N4BP2L2: variants seen among roughly 807,000 people sequenced by gnomAD.
N4BP2L2 encodes NEDD4-binding protein 2-like 2.
Under a neutral mutation model 56.2 loss-of-function variants are expected in N4BP2L2, and 50 were observed. The ratio of observed to expected loss-of-function variants is 0.89; its 90% CI spans 0.71 to 1.13. N4BP2L2 has a LOEUF of 1.13. Ranked by LOEUF, N4BP2L2 falls within the 50% of genes most tolerant of loss-of-function variation. The probability of loss-of-function intolerance (pLI) is 0.00; values close to 1 mark genes in which losing one functional copy is unlikely to be tolerated. For synonymous variants in N4BP2L2, 203 were observed against 223.6 expected (o/e 0.91, Z 0.82); for missense variants, 689 against 693.8 (o/e 0.99, Z 0.08).
chr13:32,484,159 C>CA (rs141270018), intron 6 of N4BP2L2, among the ~76,000 whole-genome samples: 47,687 of 151,254 alleles, frequency 0.32, 8,199 homozygotes, highest in East Asian at 0.46. Flanking sequence ...CCCATCTCTA[C>CA]AAAAAATACA....
intron 2 of N4BP2L2, among the ~76,000 whole-genome samples, chr13:32,528,593 G>A (rs929087845): frequency 6.6e-6 from 1 of 152,160 alleles, no homozygotes. Flanking sequence ...GGAAAATGCA[G>A]CAAGATAATG....
intron 1 of N4BP2L2, among the ~76,000 whole-genome samples, chr13:32,538,207 G>A (rs771164098): frequency 2.0e-5 from 3 of 152,138 alleles, no homozygotes; most frequent in Non-Finnish European, 4.4e-5. Context: ...GGACAAAAAG[G>A]CGAACTACAG....
chr13:32,446,666 C>T (rs1242304722), intron 6 of N4BP2L2: 1 of 346,880 alleles, frequency 2.9e-6, no homozygotes, highest in African/African-American at 2.2e-5. Flanking sequence ...GAAAGAGAGC[C>T]CTAATCTAGG....
chr13:32,479,848 T>C (rs1229598955), intron 6 of N4BP2L2, among the ~76,000 whole-genome samples: 4 of 151,358 alleles, frequency 2.6e-5, no homozygotes, highest in African/African-American at 7.3e-5. Context: ...AACAGACATA[T>C]AACTGGAGCC....
exon 6 of N4BP2L2, chr13:32,517,521 T>C (rs2049498888): frequency 1.2e-5 from 13 of 1,129,006 alleles, no homozygotes; most frequent in African/African-American, 3.2e-5. Context: ...TAAAATTCGA[T>C]TGTAGAAAAA....
intron 6 of N4BP2L2, among the ~76,000 whole-genome samples, chr13:32,472,613 G>A (rs78288713): frequency 0.057 from 8,704 of 152,106 alleles, 837 homozygotes; most frequent in African/African-American, 0.2. Context: ...CCTAGAGCTC[G>A]GCCTCAAATA....
At chr13:32,464,008 A>C (rs867396117) in intron 6 of N4BP2L2, among the ~76,000 whole-genome samples, 5 of 151,970 alleles carry the variant, frequency 3.3e-5, no homozygotes, top group Non-Finnish European at 5.9e-5. Flanking sequence ...GGAAGAAATA[A>C]AAAATAACAA....
At chr13:32,454,574 A>G (rs1593501981) in intron 6 of N4BP2L2, among the ~76,000 whole-genome samples, 1 of 152,354 alleles carries the variant, frequency 6.6e-6, no homozygotes, top group South Asian at 2.1e-4. Context: ...AAGCCTAGAC[A>G]TTGGACTTAT....
chr13:32,529,195 A>G (rs2140210168), intron 2 of N4BP2L2, among the ~76,000 whole-genome samples: 1 of 152,354 alleles, frequency 6.6e-6, no homozygotes, highest in African/African-American at 2.4e-5. Flanking sequence ...CCAGTGGTGT[A>G]TTTTATAAAA....
intron 4 of N4BP2L2, 94 bp from the exon 5 acceptor site, chr13:32,521,543 T>C (rs1309664085): frequency 1.3e-6 from 1 of 791,380 alleles, no homozygotes; most frequent in Non-Finnish European, 2.1e-6. Context: ...GACAATACTA[T>C]ACACTTGCTC....
chr13:32,470,750 C>T (rs1321181259), intron 6 of N4BP2L2, among the ~76,000 whole-genome samples: 1 of 152,200 alleles, frequency 6.6e-6, no homozygotes, highest in Admixed American at 6.5e-5. Flanking sequence ...AGTGTAGCAC[C>T]TCCTTAGAAC....
At chr13:32,501,770 G>C (rs545787291) in intron 6 of N4BP2L2, among the ~76,000 whole-genome samples, 24 of 151,750 alleles carry the variant, frequency 1.6e-4, no homozygotes, top group Admixed American at 3.3e-4. Context: ...AGCCGAGATC[G>C]CGCCACTGCA....
intron 6 of N4BP2L2, chr13:32,477,827 T>G (rs150607646): frequency 3.2e-6 from 4 of 1,261,966 alleles, no homozygotes; most frequent in Non-Finnish European, 3.1e-6. Flanking sequence ...CAGCGGATTA[T>G]TGGCATAGTT....
exon 2 of N4BP2L2, chr13:32,536,294 T>C (rs760568333): frequency 1.9e-6 from 3 of 1,613,470 alleles, no homozygotes; most frequent in East Asian, 2.2e-5. Context: ...ACAGGGATAT[T>C]TGTCTGGCTC....
chr13:32,519,405 A>G (rs557214317), intron 5 of N4BP2L2, among the ~76,000 whole-genome samples: 1 of 152,228 alleles, frequency 6.6e-6, no homozygotes, highest in African/African-American at 2.4e-5. Context: ...CTGTAATCCC[A>G]GCACTTTTGG....
intron 2 of N4BP2L2, among the ~76,000 whole-genome samples, chr13:32,532,009 C>G (rs781633548): frequency 2.6e-5 from 4 of 152,194 alleles, no homozygotes; most frequent in Non-Finnish European, 4.4e-5. Flanking sequence ...GGTCTTAACC[C>G]TTCTCTGACT....
In N4BP2L2 at chr13:32,466,805, T is replaced by C. The variant is rs144291413; in HGVS notation, c.366-22679A>G. ...AGTGGTAACATAGATATCCATTTTA[T>C]TATTAGTCTTTAACCAAATAGCTGC... On this transcript the variant is annotated intron_variant, in intron 6 of 9. Coordinates refer to the N4BP2L2 transcript ENST00000357505. Among the ~76,000 whole-genome samples the C allele has an allele frequency of 1.5e-3, 231 of 152,322 alleles. 2 individuals carry two copies. The highest frequency in any genetic ancestry group is 5.1e-3 in the African/African-American group (211 of 41,568).
At chr13:32,502,757 G>T (rs1287045540) in intron 6 of N4BP2L2, among the ~76,000 whole-genome samples, 1 of 152,186 alleles carries the variant, frequency 6.6e-6, no homozygotes, top group East Asian at 1.9e-4. Context: ...ACTTCTAAGG[G>T]GCAGTCTGAA....
chr13:32,490,537 T>G (rs2086833192), intron 6 of N4BP2L2, among the ~76,000 whole-genome samples: 1 of 152,156 alleles, frequency 6.6e-6, no homozygotes, highest in Admixed American at 6.5e-5. Flanking sequence ...ACTCCTGACC[T>G]TAGGTGATCC....
Sources: gnomAD v4.1 joint callset for allele counts (sites outside exome capture counted in the v4.1 genomes callset) on GRCh38, gnomAD v4.1.1 for gene constraint, MANE v1.5 for transcripts, NCBI Gene and HGNC (gene_info 2026-07-23, HGNC 2026-07-21) for gene names.